ACTN2: variants seen among roughly 807,000 people sequenced by gnomAD.
The protein encoded by ACTN2 is actinin alpha 2, also known as alpha-actinin-2.
In ACTN2, 39 loss-of-function variants were observed where a neutral mutation model predicts 113.8. The ratio of observed to expected loss-of-function variants is 0.34; its 90% CI spans 0.27 to 0.45. The LOEUF (loss-of-function observed/expected upper bound fraction) is 0.45. Among genes scored for constraint, ACTN2 ranks in the 20% least tolerant of loss-of-function variants. The pLI is 1.00. For synonymous variants in ACTN2, 429 were observed against 444.1 expected (o/e 0.97, Z 0.43); for missense variants, 992 against 1,177.9 (o/e 0.84, Z 2.31).
intron 1 of ACTN2, among the ~76,000 whole-genome samples, chr1:236,713,392 T>A (rs898599725): frequency 6.6e-6 from 1 of 152,110 alleles, no homozygotes; most frequent in South Asian, 2.1e-4. Context: ...CATGTACAAC[T>A]AGTCTTGTAT....
Position 236,754,887 on chromosome 1 carries a change from C to A in ACTN2, c.1975-132C>A. On this transcript the variant is annotated intron_variant, in intron 16 of 20. Coordinates refer to ENST00000366578, the MANE Select transcript of ACTN2 (RefSeq NM_001103.4). The surrounding 1 kb of genome is among the most constrained non-coding windows in gnomAD (Gnocchi z 4.9). Reference sequence around the variant, plus strand: ...CCCACTTCCTCTGAGAAAAGTGAACCGAGTGACACTGGCCGCTGCCTGACG... The same window carrying A: ...CCCACTTCCTCTGAGAAAAGTGAACAGAGTGACACTGGCCGCTGCCTGACG... 1 of 1,018,532 alleles carries A rather than the reference C, an allele frequency of 9.8e-7. No individual in the cohort carries two copies. The highest frequency in any genetic ancestry group is 1.6e-6 in the Non-Finnish European group (1 of 645,106). The allele number at this position is 1,018,532 out of a possible 1,614,324, so 63.1% of individuals were successfully genotyped here.
chr1:236,703,978 A>G (rs1173680759), intron 1 of ACTN2, among the ~76,000 whole-genome samples: 1 of 152,208 alleles, frequency 6.6e-6, no homozygotes, highest in Non-Finnish European at 1.5e-5. Context: ...TAAATGTAAG[A>G]TCTTTATGAA....
At chr1:236,697,950 T>TC (rs1657564792) in intron 1 of ACTN2, among the ~76,000 whole-genome samples, 1 of 150,444 alleles carries the variant, frequency 6.6e-6, no homozygotes, top group Non-Finnish European at 1.5e-5. Context: ...TTTTTTTTTT[T>TC]TTTAGCAGAG....
chr1:236,724,473 C>G (rs914784876), intron 4 of ACTN2, among the ~76,000 whole-genome samples: 2 of 152,168 alleles, frequency 1.3e-5, no homozygotes, highest in Non-Finnish European at 2.9e-5. Context: ...GCCTGAGGAG[C>G]CTTCAGACCA....
At chr1:236,691,385 G>A (rs1666077409) in intron 1 of ACTN2, among the ~76,000 whole-genome samples, 2 of 151,782 alleles carry the variant, frequency 1.3e-5, no homozygotes, top group Non-Finnish European at 1.5e-5. Flanking sequence ...GCTCATGCCT[G>A]TAATCCCAGC....
chr1:236,753,855 A>ACC, intron 15 of ACTN2, 92 bp from the exon 16 acceptor site: 4 of 492,256 alleles, frequency 8.1e-6, no homozygotes, highest in East Asian at 8.2e-5. Flanking sequence ...CTCCACTCCC[A>ACC]CCCCCACCCC....
At chr1:236,760,105 C>T (rs977057298) in intron 19 of ACTN2, among the ~76,000 whole-genome samples, 7 of 152,166 alleles carry the variant, frequency 4.6e-5, no homozygotes, top group African/African-American at 1.7e-4. Context: ...AATTAGCCAG[C>T]TGTGGTGGCG....
chr1:236,735,293 C>T (rs1357368537), intron 7 of ACTN2, among the ~76,000 whole-genome samples: 3 of 152,084 alleles, frequency 2.0e-5, no homozygotes, highest in South Asian at 2.1e-4. Context: ...GTTGGAGGAC[C>T]GGAGTCACGA....
At chr1:236,713,504 G>C (rs996931487) in intron 1 of ACTN2, among the ~76,000 whole-genome samples, 4 of 152,180 alleles carry the variant, frequency 2.6e-5, no homozygotes, top group African/African-American at 9.7e-5. Flanking sequence ...TGGGATTACA[G>C]GCATGAGCCA....
intron 6 of ACTN2, among the ~76,000 whole-genome samples, chr1:236,728,677 T>C (rs1266379723): frequency 1.3e-5 from 2 of 152,168 alleles, no homozygotes; most frequent in Non-Finnish European, 2.9e-5. Flanking sequence ...AATTCTGCCT[T>C]TAAGGTAAAG....
At position 236,755,028 on chromosome 1, in the gene ACTN2, C is replaced by G. The variant is rs150021739; in HGVS notation, c.1984C>G (p.Arg662Gly). 4 of 1,614,050 alleles carry G rather than the reference C, an allele frequency of 2.5e-6. No homozygotes were observed. In the African/African-American group the frequency reaches 5.3e-5, roughly 22 times the overall value. The change falls in exon 17 of 21, where the codon CGG becomes GGG. Residue 662 changes from arginine (R) to glycine (G), a missense_variant. Physicochemically the swap from Arg to Gly is moderately radical, Grantham distance 125 (BLOSUM62 -2). Around this residue, in one of 3 missense-constraint regions of ACTN2, gnomAD observed 736 missense variants for 815.4 expected, o/e 0.90. Transcript: ENST00000366578. ...WIQNKMEEIA[R>G]SSIQITGALE... is the part of the protein sequence containing the mutation. The stretch of plus-strand genomic sequence containing the variant: ...CACTCGCCCCCCTCAGGAGATTGCC[C>G]GGAGCTCCATCCAGATCACAGGAGC...
chr1:236,690,643 TATC>T (rs1666046956), intron 1 of ACTN2, among the ~76,000 whole-genome samples: 3 of 152,198 alleles, frequency 2.0e-5, no homozygotes, highest in African/African-American at 4.8e-5. Flanking sequence ...CAAATATTAT[TATC>T]CTTGTGCGCC....
chr1:236,723,620 C>T (rs578228146), intron 4 of ACTN2, among the ~76,000 whole-genome samples: 55 of 152,024 alleles, frequency 3.6e-4, no homozygotes, highest in East Asian at 7.7e-4. Context: ...TGCCCGCCAC[C>T]GTGCCCGGCT....
At chr1:236,755,263 G>A in intron 17 of ACTN2, 65 bp downstream of exon 17, 4 of 1,585,084 alleles carry the variant, frequency 2.5e-6, no homozygotes, top group Non-Finnish European at 3.5e-6. Flanking sequence ...TCCTCAGGGT[G>A]CTTTCTTCAT....
chr1:236,688,376 C>CTTT lies in ACTN2; in HGVS notation c.126+1587_126+1589dup, dbSNP rs539065333. On this transcript the variant is annotated intron_variant, in intron 1 of 20. Coordinates refer to ENST00000366578, the MANE Select transcript of ACTN2 (RefSeq NM_001103.4). ...GTCTAATCACAGTGCTTTCTGTTGC[C>CTTT]TTTTTTTTTTTTAAGTACAGTACAG... Among the ~76,000 whole-genome samples, 80 of 142,740 alleles carry CTTT rather than the reference C, an allele frequency of 5.6e-4. 1 individual carries two copies. In the South Asian group the frequency reaches 0.017, roughly 30 times the overall value. The allele number at this position is 142,740 out of a possible 152,430, so 93.6% of individuals were successfully genotyped here. A position where few individuals can be genotyped will look rare whatever the true frequency, so the allele number is the denominator to read the frequency against.
At chr1:236,731,914 C>T (rs1286199518) in intron 7 of ACTN2, among the ~76,000 whole-genome samples, 2 of 152,080 alleles carry the variant, frequency 1.3e-5, no homozygotes, top group Non-Finnish European at 2.9e-5. Flanking sequence ...ACTTTTTGTC[C>T]CTTTTATATG....
At chr1:236,735,014 T>C (rs552893050) in intron 7 of ACTN2, among the ~76,000 whole-genome samples, 4 of 152,356 alleles carry the variant, frequency 2.6e-5, no homozygotes, top group Admixed American at 1.3e-4. Flanking sequence ...ACAAGCCATG[T>C]AGACCCTTCT....
At chr1:236,690,263 G>A (rs1393402859) in intron 1 of ACTN2, among the ~76,000 whole-genome samples, 1 of 152,156 alleles carries the variant, frequency 6.6e-6, no homozygotes, top group Non-Finnish European at 1.5e-5. Context: ...GGGAGCCTTC[G>A]AGTTGCCCCT....
intron 12 of ACTN2, among the ~76,000 whole-genome samples, chr1:236,745,383 G>A (rs1030749902): frequency 6.6e-6 from 1 of 152,154 alleles, no homozygotes; most frequent in African/African-American, 2.4e-5. Flanking sequence ...GCAGTGAGCC[G>A]AGATCGCGCC....
Sources: gnomAD v4.1 joint callset for allele counts (sites outside exome capture counted in the v4.1 genomes callset) on GRCh38, gnomAD v4.1.1 for gene constraint, gnomAD v4.1.1 regional missense constraint, Gnocchi (gnomAD v3.1) non-coding constraint, MANE v1.5 for transcripts, NCBI Gene and HGNC (gene_info 2026-07-23, HGNC 2026-07-21) for gene names.